The following IL1RAP variants were observed in gnomAD, a reference collection of about 807,000 sequenced individuals.
The protein encoded by IL1RAP is interleukin-1 receptor accessory protein.
A neutral mutation model predicts 60.7 loss-of-function variants in IL1RAP; 35 were observed. That is an observed-to-expected ratio of 0.58 (90% CI 0.44 to 0.76). IL1RAP has a LOEUF of 0.76. Among genes scored for constraint, IL1RAP ranks in the 30% least tolerant of loss-of-function variants. The pLI is 0.00. For missense variants in IL1RAP, 572 were observed against 693.9 expected (o/e 0.82, Z 1.97); for synonymous variants, 268 against 250.9 (o/e 1.07, Z -0.64).
chr3:190,650,745 A>G lies in IL1RAP; in HGVS notation c.*2040A>G, dbSNP rs767286661. The G allele has an allele frequency of 3.1e-6, 3 of 983,410 alleles. No individual in the cohort carries two copies. Among genetic ancestry groups the G allele is most frequent in the Non-Finnish European group, 3.6e-6 (3 of 828,124 alleles). The allele number at this position is 983,410 out of a possible 1,614,324, so 60.9% of individuals were successfully genotyped here. On this transcript the variant is annotated 3_prime_UTR_variant, in exon 12 of 12. Transcript: ENST00000447382. ...TTATTAATATTTTTCCCTATTAGAA[A>G]CCACAATTACTCCCTCTATTAACCC...
chr3:190,529,316 A>G (rs796599750), intron 1 of IL1RAP, among the ~76,000 whole-genome samples: 2 of 150,330 alleles, frequency 1.3e-5, no homozygotes, highest in Non-Finnish European at 3.0e-5. Flanking sequence ...AGGCAGGTGG[A>G]TCATGAAGTC....
intron 3 of IL1RAP, among the ~76,000 whole-genome samples, chr3:190,603,265 T>G (rs1462102087): frequency 6.6e-6 from 1 of 152,170 alleles, no homozygotes; most frequent in East Asian, 1.9e-4. Flanking sequence ...TAATGTTTGA[T>G]GATAAAAATA....
intron 4 of IL1RAP, among the ~76,000 whole-genome samples, chr3:190,607,310 T>A (rs1489441045): frequency 1.3e-5 from 2 of 152,226 alleles, no homozygotes; most frequent in African/African-American, 2.4e-5. Flanking sequence ...TTTTTATTAT[T>A]GTATGTTCTT....
At chr3:190,618,129 A>G (rs755653287) in intron 5 of IL1RAP, among the ~76,000 whole-genome samples, 10 of 152,172 alleles carry the variant, frequency 6.6e-5, no homozygotes, top group Non-Finnish European at 1.0e-4. Flanking sequence ...GCACAGGTTC[A>G]GGGCTGCTAT....
At chr3:190,608,240 C>A (rs989662720) in intron 4 of IL1RAP, among the ~76,000 whole-genome samples, 1 of 152,144 alleles carries the variant, frequency 6.6e-6, no homozygotes, top group African/African-American at 2.4e-5. Flanking sequence ...GAGCCTACTA[C>A]ACACCTAGGC....
intron 1 of IL1RAP, among the ~76,000 whole-genome samples, chr3:190,538,295 T>C (rs986358931): frequency 6.6e-6 from 1 of 152,194 alleles, no homozygotes; most frequent in African/African-American, 2.4e-5. Context: ...CCTAGACTTA[T>C]GGAATGTGTG....
At chr3:190,526,244 T>TA (rs1023638832) in intron 1 of IL1RAP, among the ~76,000 whole-genome samples, 2 of 152,222 alleles carry the variant, frequency 1.3e-5, no homozygotes, top group African/African-American at 4.8e-5. Context: ...CAGGTGAAGT[T>TA]ATAATCACCA....
chr3:190,656,259 G>C (rs1734616490), downstream of IL1RAP: 3 of 1,537,062 alleles, frequency 2.0e-6, no homozygotes, highest in African/African-American at 1.4e-5. Context: ...ACGTTCAAAG[G>C]AGGAGAAGTC....
intron 1 of IL1RAP, among the ~76,000 whole-genome samples, chr3:190,523,870 T>A (rs1577498149): frequency 6.6e-6 from 1 of 152,208 alleles, no homozygotes; most frequent in Non-Finnish European, 1.5e-5. Flanking sequence ...TATATTCCTT[T>A]GGGTGTATAC....
chr3:190,616,701 C>A (rs1286056726), intron 5 of IL1RAP, among the ~76,000 whole-genome samples: 3 of 152,202 alleles, frequency 2.0e-5, no homozygotes, highest in Non-Finnish European at 4.4e-5. Flanking sequence ...TTCCATCCTA[C>A]AACCCACCAT....
intron 5 of IL1RAP, among the ~76,000 whole-genome samples, chr3:190,609,504 G>A (rs896234904): frequency 2.0e-5 from 3 of 152,150 alleles, no homozygotes; most frequent in African/African-American, 7.2e-5. Context: ...GTCATAAGCT[G>A]TTAATTCTTG....
At chr3:190,596,587 A>T (rs1729398893) in intron 3 of IL1RAP, among the ~76,000 whole-genome samples, 1 of 152,192 alleles carries the variant, frequency 6.6e-6, no homozygotes, top group Non-Finnish European at 1.5e-5. Context: ...CCTCTGTGCC[A>T]CCAAGTCTCA....
At chr3:190,573,693 A>G (rs1727201586) in intron 3 of IL1RAP, among the ~76,000 whole-genome samples, 1 of 152,224 alleles carries the variant, frequency 6.6e-6, no homozygotes, top group Non-Finnish European at 1.5e-5. Context: ...ATTGATGACT[A>G]CAATAATAGC....
chr3:190,648,879 A>G lies in IL1RAP; in HGVS notation c.*174A>G, dbSNP rs899823775. 1.0e-5 allele frequency: 14 copies of G among 1,398,940 alleles called. No homozygotes were observed. The highest frequency in any genetic ancestry group is 2.9e-5 in the African/African-American group (2 of 68,808). 86.7% of individuals were successfully genotyped at this position (1,398,940 alleles called of 1,614,324 possible). A position where few individuals can be genotyped will look rare whatever the true frequency, so the allele number is the denominator to read the frequency against. On this transcript the variant is annotated 3_prime_UTR_variant, in exon 12 of 12. Transcript: ENST00000447382. ...CTATTCTGCTTCCTCAGGCAACACT[A>G]AAGTTTAGAAAGATATCATCAACGT...
At position 190,629,647 on chromosome 3, in the gene IL1RAP, T is replaced by C. The variant is rs555401241; in HGVS notation, c.1051+149T>C. 7.8e-5 allele frequency: 109 copies of C among 1,392,540 alleles called. 3 individuals are homozygous for C. In the South Asian group the frequency reaches 1.6e-3, roughly 21 times the overall value. 86.3% of individuals were successfully genotyped at this position (1,392,540 alleles called of 1,614,324 possible). ...TAATGAATCAAACTTAAATGAAAAA[T>C]ATGAAAGTTTTCATCTATGTAAGAT... is the stretch of plus-strand genomic sequence containing the variant. On this transcript the variant is annotated intron_variant, in intron 9 of 11. Transcript: ENST00000447382.
intron 1 of IL1RAP, among the ~76,000 whole-genome samples, chr3:190,541,696 T>C (rs955745081): frequency 1.1e-4 from 16 of 152,190 alleles, no homozygotes; most frequent in Admixed American, 6.5e-4. Flanking sequence ...ATTTTCATTG[T>C]GCAACTATTG....
At chr3:190,552,517 A>G (rs981726522) in intron 1 of IL1RAP, among the ~76,000 whole-genome samples, 6 of 152,182 alleles carry the variant, frequency 3.9e-5, no homozygotes, top group Non-Finnish European at 8.8e-5. Flanking sequence ...ACGTGAACTG[A>G]AAGGTACCAC....
intron 10 of IL1RAP, among the ~76,000 whole-genome samples, chr3:190,645,091 G>A (rs1733920720): frequency 6.6e-6 from 1 of 152,172 alleles, no homozygotes; most frequent in African/African-American, 2.4e-5. Context: ...CACAGCTCTA[G>A]TGCAAATTTG....
chr3:190,604,655 C>A (rs529225644), intron 4 of IL1RAP, among the ~76,000 whole-genome samples: 2 of 151,996 alleles, frequency 1.3e-5, no homozygotes, highest in African/African-American at 4.8e-5. Context: ...CAAAGTTGTC[C>A]GAAAGTGGAG....
Sources: gnomAD v4.1 joint callset for allele counts (sites outside exome capture counted in the v4.1 genomes callset) on GRCh38, gnomAD v4.1.1 for gene constraint, MANE v1.5 for transcripts, NCBI Gene and HGNC (gene_info 2026-07-23, HGNC 2026-07-21) for gene names.